ATP10B: variants seen among roughly 807,000 people sequenced by gnomAD.
ATP10B encodes the protein phospholipid-transporting ATPase VB.
A neutral mutation model predicts 141.2 loss-of-function variants in ATP10B; 122 were observed. That is an observed-to-expected ratio of 0.86 (90% CI 0.75 to 1.00). ATP10B has a LOEUF of 1.00. ATP10B is among the 50% of genes least tolerant of loss of function. The pLI, the probability that ATP10B is intolerant of heterozygous loss-of-function variation, is 0.00. For synonymous variants in ATP10B, 685 were observed against 692.0 expected (o/e 0.99, Z 0.16); for missense variants, 1,876 against 1,825.3 (o/e 1.03, Z -0.51).
rs1759378524 is a variant in ATP10B, at chr5:160,636,446, T to C, written c.1001-137A>G. 2.5e-5 allele frequency: 13 copies of C among 528,242 alleles called. No homozygotes were observed. The South Asian group carries it at 4.8e-4, about 20-fold the overall frequency. The allele number at this position is 528,242 out of a possible 1,614,324, so 32.7% of individuals were successfully genotyped here. On this transcript the variant is annotated intron_variant, in intron 10 of 25. Coordinates refer to ENST00000327245, the MANE Select transcript of ATP10B (RefSeq NM_025153.3). ...CTCCTTCTTCCATACAATGTAGCTC[T>C]GTGTGTGTGTGTGTTTGTGTATGTG...
At chr5:160,881,663 T>G in the ATP10B span, among the ~76,000 whole-genome samples, 1 of 151,822 alleles carries the variant, frequency 6.6e-6, no homozygotes, top group Non-Finnish European at 1.5e-5. Context: ...ATATAAAAAA[T>G]TATCCGGGCG....
At chr5:160,900,521 TC>T in the ATP10B span, among the ~76,000 whole-genome samples, 2 of 152,168 alleles carry the variant, frequency 1.3e-5, no homozygotes, top group Non-Finnish European at 2.9e-5. Context: ...TAAATATACC[TC>T]CTTTCATGAT....
At chr5:160,726,100 C>T (rs929983910) in intron 2 of ATP10B, among the ~76,000 whole-genome samples, 1 of 152,124 alleles carries the variant, frequency 6.6e-6, no homozygotes, top group Non-Finnish European at 1.5e-5. Flanking sequence ...CACTGAGAGA[C>T]GCGCGAGCCT....
At chr5:160,680,717 G>C (rs1763335672) in intron 6 of ATP10B, among the ~76,000 whole-genome samples, 1 of 152,128 alleles carries the variant, frequency 6.6e-6, no homozygotes, top group Non-Finnish European at 1.5e-5. Flanking sequence ...GGCTTTCAGG[G>C]AAGCTGACTT....
chr5:160,925,285 G>A, the ATP10B span, among the ~76,000 whole-genome samples: 1 of 152,212 alleles, frequency 6.6e-6, no homozygotes, highest in Non-Finnish European at 1.5e-5. Context: ...TAAAAGAGTT[G>A]AGGGAAAAGT....
chr5:160,879,799 C>T, the ATP10B span, among the ~76,000 whole-genome samples: 2 of 152,152 alleles, frequency 1.3e-5, no homozygotes, highest in African/African-American at 4.8e-5. Flanking sequence ...GATGGCGCCA[C>T]TGCACTCCAG....
intron 20 of ATP10B, chr5:160,603,250 A>C (rs1757196438): frequency 6.5e-6 from 1 of 154,924 alleles, no homozygotes. Flanking sequence ...TCCTGGTATA[A>C]ACTTTGGTCT....
intron 1 of ATP10B, among the ~76,000 whole-genome samples, chr5:160,798,655 T>C (rs1272195890): frequency 6.6e-6 from 1 of 152,096 alleles, no homozygotes; most frequent in Non-Finnish European, 1.5e-5. Flanking sequence ...AACAAATACA[T>C]TTCTGTTGCT....
At chr5:160,907,253 T>C in the ATP10B span, among the ~76,000 whole-genome samples, 1 of 152,144 alleles carries the variant, frequency 6.6e-6, no homozygotes, top group African/African-American at 2.4e-5. Context: ...ATAGAGCCTG[T>C]TTCTGTTGCC....
chr5:160,781,528 C>A (rs923122509), intron 2 of ATP10B, among the ~76,000 whole-genome samples: 4 of 151,836 alleles, frequency 2.6e-5, no homozygotes, highest in African/African-American at 9.7e-5. Context: ...GGAAGGATGA[C>A]AAGAATTCAA....
intron 22 of ATP10B, among the ~76,000 whole-genome samples, chr5:160,592,010 C>T (rs1169318461): frequency 6.6e-6 from 1 of 152,180 alleles, no homozygotes; most frequent in African/African-American, 2.4e-5. Context: ...ATTGCAAAGT[C>T]CCTCTTCCCA....
At chr5:160,895,086 G>A in the ATP10B span, among the ~76,000 whole-genome samples, 4 of 152,116 alleles carry the variant, frequency 2.6e-5, no homozygotes, top group African/African-American at 9.7e-5. Flanking sequence ...ACCGGTACCA[G>A]CCACTACAAA....
At chr5:160,761,478 G>A (rs1160614290) in intron 2 of ATP10B, among the ~76,000 whole-genome samples, 2 of 152,160 alleles carry the variant, frequency 1.3e-5, no homozygotes, top group African/African-American at 4.8e-5. Flanking sequence ...ACCCAGAAGT[G>A]CAATAACAAT....
chr5:160,708,742 A>G (rs994015592), intron 3 of ATP10B, among the ~76,000 whole-genome samples: 7 of 152,194 alleles, frequency 4.6e-5, no homozygotes, highest in Admixed American at 3.9e-4. Flanking sequence ...CCCTTCTGCT[A>G]TGTTCCTATG....
chr5:160,873,444 T>C, the ATP10B span, among the ~76,000 whole-genome samples: 2 of 152,174 alleles, frequency 1.3e-5, no homozygotes, highest in Non-Finnish European at 2.9e-5. Context: ...AAGAAAGAAA[T>C]ATAATAGTAT....
rs191536265 is a variant in ATP10B at position 160,829,673 on chromosome 5, C to T, written c.-576+22268G>A. On this transcript the variant is annotated intron_variant, in intron 1 of 25. Transcript: ENST00000327245. The stretch of plus-strand genomic sequence containing the variant: ...AGTTTTCCTTTTAGCAATCTTTCAT[C>T]TCATTCGTTAGCTGGATTTCTGGGT... 2.0e-5 allele frequency among the ~76,000 whole-genome samples: 3 copies of T among 152,172 alleles called. No individual in the cohort carries two copies. In the East Asian group the frequency reaches 5.8e-4, roughly 29 times the overall value.
intron 2 of ATP10B, among the ~76,000 whole-genome samples, chr5:160,745,756 G>A (rs2127813686): frequency 6.6e-6 from 1 of 152,362 alleles, no homozygotes; most frequent in East Asian, 1.9e-4. Flanking sequence ...ATGGTTCAGA[G>A]AGTAGATGTT....
chr5:160,637,485 G>A (rs745738445), intron 10 of ATP10B, among the ~76,000 whole-genome samples: 88 of 152,212 alleles, frequency 5.8e-4, no homozygotes, highest in Non-Finnish European at 7.9e-4. Flanking sequence ...ATCACATACA[G>A]TATGAGAGGT....
Position 160,570,389 on chromosome 5 carries a change from TTGAC to T in ATP10B, c.3751-710_3751-707del. Reference sequence around the variant, plus strand: ...TCATTCTATTGTTCTTTTAAACATATTGACTATTTTGTATAATTTTGGGACTATT... The same window carrying T: ...TCATTCTATTGTTCTTTTAAACATATTATTTTGTATAATTTTGGGACTATT... On this transcript the variant is annotated intron_variant, in intron 24 of 25. Coordinates refer to ENST00000327245, the MANE Select transcript of ATP10B (RefSeq NM_025153.3). Among the ~76,000 whole-genome samples the T allele has an allele frequency of 2.6e-5, 4 of 152,332 alleles. No individual in the cohort carries two copies. In the South Asian group the frequency reaches 8.3e-4, roughly 32 times the overall value.
Sources: allele counts gnomAD v4.1 joint callset (sites outside exome capture counted in the v4.1 genomes callset), GRCh38; gene constraint gnomAD v4.1.1; transcripts MANE v1.5; gene names NCBI Gene and HGNC (gene_info 2026-07-23, HGNC 2026-07-21).